GALNT9: variants seen among roughly 807,000 people sequenced by gnomAD.
GALNT9 encodes the protein GalNAc transferase 9.
In GALNT9, 47 loss-of-function variants were observed where a neutral mutation model predicts 63.1. The observed-to-expected ratio is 0.75, with a 90% CI of 0.59 to 0.95. GALNT9 has a LOEUF of 0.95. Among genes scored for constraint, GALNT9 ranks in the 40% least tolerant of loss-of-function variants. The pLI is 0.00. For missense variants in GALNT9, 829 were observed against 874.8 expected, an observed-to-expected ratio of 0.95 and a Z score of 0.66; for synonymous variants, 396 against 365.7, an observed-to-expected ratio of 1.08 and a Z score of -0.94.
chr12:132,327,171 AAAG>A lies in GALNT9; in HGVS notation c.238+1792_238+1794del, dbSNP rs1242188536. ...CAAGGGAGGACAGCTAGGATGAAGG[AAAG>A]AAGGAGAAACAATTTTAAAAGAAAG... On this transcript the variant is annotated intron_variant, in intron 1 of 10. Coordinates refer to ENST00000328957, the MANE Select transcript of GALNT9 (RefSeq NM_001122636.2). This position sits in a 1 kb window ranked among gnomAD's most constrained non-coding sequence, Gnocchi z 4.3. 1.3e-5 allele frequency among the ~76,000 whole-genome samples: 2 copies of A among 152,040 alleles called. No homozygotes were observed. Among genetic ancestry groups the A allele is most frequent in the Non-Finnish European group, 2.9e-5 (2 of 67,988 alleles).
chr12:132,209,918 T>TA (rs1391420882), intron 6 of GALNT9, among the ~76,000 whole-genome samples: 3 of 152,244 alleles, frequency 2.0e-5, no homozygotes, highest in Non-Finnish European at 4.4e-5. Flanking sequence ...TTCTTCTCTT[T>TA]ACTTCATTTC....
intron 2 of GALNT9, among the ~76,000 whole-genome samples, chr12:132,285,657 G>C (rs572420389): frequency 6.6e-6 from 1 of 152,366 alleles, no homozygotes; most frequent in Non-Finnish European, 1.5e-5. Flanking sequence ...GGCCACAGCA[G>C]GTGGGACCAG....
chr12:132,199,107 G>T, intron 9 of GALNT9, 67 bp downstream of exon 9: 8 of 1,047,644 alleles, frequency 7.6e-6, no homozygotes, highest in South Asian at 5.2e-5. Context: ...CTGCCCCAGG[G>T]TGTAGGGTCC....
In GALNT9 at chr12:132,238,426, A is replaced by C. The variant is rs1878085049; in HGVS notation, c.1077+9484T>G. ...TACGGCTTCCTGTAAGGGGGAGTGG[A>C]GGCCGGGGCAGCAGCCGCAGGGGCG... is the stretch of plus-strand genomic sequence containing the variant. On this transcript the variant is annotated intron_variant, in intron 6 of 10. Coordinates refer to ENST00000328957, the MANE Select transcript of GALNT9 (RefSeq NM_001122636.2). This position sits in a 1 kb window ranked among gnomAD's most constrained non-coding sequence, Gnocchi z 6.5. 6.6e-6 allele frequency among the ~76,000 whole-genome samples: 1 copy of C among 152,118 alleles called. No homozygotes were observed. Among genetic ancestry groups the C allele is most frequent in the Non-Finnish European group, 1.5e-5 (1 of 68,012 alleles).
At chr12:132,272,315 C>A (rs549173217) in intron 2 of GALNT9, among the ~76,000 whole-genome samples, 2 of 152,322 alleles carry the variant, frequency 1.3e-5, no homozygotes, top group African/African-American at 4.8e-5. Context: ...GGCAGGTGCT[C>A]CTTGGCATTC....
In GALNT9 at chr12:132,329,241, C is replaced by A. The variant is rs1422607355; in HGVS notation, c.-38G>T. ...AGCGGGGGCCTCACCCGCGGGGCAT[C>A]CCCAGCATCCCCGCCCGGGCCTGGG... is the stretch of plus-strand genomic sequence containing the variant. On this transcript the variant is annotated 5_prime_UTR_variant, in exon 1 of 11. Transcript: ENST00000328957. 3.9e-6 allele frequency: 6 copies of A among 1,523,572 alleles called. No homozygotes were observed. Among genetic ancestry groups the A allele is most frequent in the Non-Finnish European group, 5.3e-6 (6 of 1,129,676 alleles). The allele number at this position is 1,523,572 out of a possible 1,614,324, so 94.4% of individuals were successfully genotyped here.
intron 1 of GALNT9, among the ~76,000 whole-genome samples, chr12:132,306,228 G>T (rs895471199): frequency 1.1e-4 from 17 of 152,356 alleles, no homozygotes; most frequent in Admixed American, 9.1e-4. Flanking sequence ...GAGGGCGCCG[G>T]CACCTGCCCG....
At chr12:132,263,420 C>T (rs951063377) in intron 2 of GALNT9, among the ~76,000 whole-genome samples, 1 of 152,178 alleles carries the variant, frequency 6.6e-6, no homozygotes, top group Admixed American at 6.5e-5. Context: ...GGAAGTACGT[C>T]CTAGGACGGA....
Position 132,261,036 on chromosome 12 carries a change from G to A in GALNT9, c.673C>T (p.Leu225=). The A allele has an allele frequency of 6.4e-7, 1 of 1,551,346 alleles. No individual in the cohort carries two copies. The change falls in exon 4 of 11, where the codon CTG becomes TTG. Residue 225 remains leucine, a synonymous_variant. Transcript: ENST00000328957. ...KIVRNSRREG[L]IRARLQGWKA... is the part of the protein sequence containing the mutation. ...CAGCCCTGCAGCCGCGCGCGGATCA[G>A]TCCTTCCCGCCGGCTGTTGCGGACA...
intron 4 of GALNT9, among the ~76,000 whole-genome samples, chr12:132,259,916 T>G (rs1555239536): frequency 6.6e-6 from 1 of 151,554 alleles, no homozygotes; most frequent in African/African-American, 2.4e-5. Context: ...GTCTTCCTTG[T>G]GGTTGGGTGG....
In GALNT9 at chr12:132,246,013, G is replaced by A. The variant is rs573377552; in HGVS notation, c.1077+1897C>T. 3.3e-5 allele frequency among the ~76,000 whole-genome samples: 5 copies of A among 152,302 alleles called. No individual in the cohort carries two copies. Among genetic ancestry groups the A allele is most frequent in the South Asian group, 2.1e-4 (1 of 4,824 alleles). On this transcript the variant is annotated intron_variant, in intron 6 of 10. Transcript: ENST00000328957. This position sits in a 1 kb window ranked among gnomAD's most constrained non-coding sequence, Gnocchi z 4.7. ...GCTGTCCTCCTCGTCTCTGCGGTGCGTTCCATCCCTCTGAGGGCCTCGGCT... is the reference window on the plus strand; with the variant it reads ...GCTGTCCTCCTCGTCTCTGCGGTGCATTCCATCCCTCTGAGGGCCTCGGCT...
At chr12:132,228,051 C>T (rs1477701078) in intron 6 of GALNT9, among the ~76,000 whole-genome samples, 4 of 152,068 alleles carry the variant, frequency 2.6e-5, no homozygotes, top group Non-Finnish European at 5.9e-5. Flanking sequence ...TGGGGAGTGG[C>T]GGTGCCAGAC....
rs782589651 is a variant in GALNT9, at chr12:132,262,582, C to A, written c.463G>T (p.Val155Leu). Residue 155 changes from valine to leucine, a missense_variant, in exon 3 of 11, where the codon GTG becomes TTG. Coordinates refer to ENST00000328957, the MANE Select transcript of GALNT9 (RefSeq NM_001122636.2). ...SYAQDLPQVS[V>L]VFIFVNEALS... The stretch of plus-strand genomic sequence containing the variant: ...GCCTCATTGACGAAGATGAAGACCA[C>A]GGAGACCTGGGGCAGGTCCTGGGCG... 2 of 1,551,240 alleles carry A rather than the reference C, an allele frequency of 1.3e-6. No homozygotes were observed. Among genetic ancestry groups the A allele is most frequent in the African/African-American group, 2.7e-5 (2 of 73,062 alleles).
chr12:132,249,791 G>C (rs1878839147), intron 5 of GALNT9, among the ~76,000 whole-genome samples: 1 of 152,226 alleles, frequency 6.6e-6, no homozygotes, highest in South Asian at 2.1e-4. Context: ...CCGGAGAGAT[G>C]CCTGCTGTGA....
chr12:132,322,815 C>T (rs1252491733), intron 1 of GALNT9, among the ~76,000 whole-genome samples: 3 of 152,220 alleles, frequency 2.0e-5, no homozygotes, highest in Admixed American at 1.3e-4. Flanking sequence ...ACCTTTTAAA[C>T]GACTGGAAAA....
intron 1 of GALNT9, among the ~76,000 whole-genome samples, chr12:132,298,986 C>T (rs931830955): frequency 1.3e-5 from 2 of 148,948 alleles, no homozygotes; most frequent in Non-Finnish European, 1.5e-5. Flanking sequence ...CTAACCCACT[C>T]GGACCACACC....
intron 6 of GALNT9, among the ~76,000 whole-genome samples, chr12:132,239,585 CAG>C (rs1359954733): frequency 6.8e-6 from 1 of 146,750 alleles, no homozygotes; most frequent in African/African-American, 2.5e-5. Context: ...GACAGAGACA[CAG>C]AGAGACAGAG....
intron 4 of GALNT9, 43 bp from the exon 5 acceptor site, chr12:132,257,929 G>A (rs782481284): frequency 7.4e-6 from 10 of 1,356,368 alleles, no homozygotes; most frequent in East Asian, 2.5e-5. Flanking sequence ...CCAGCCCACC[G>A]CATTCCCTGA....
At chr12:132,214,373 G>A (rs1877096140) in intron 6 of GALNT9, among the ~76,000 whole-genome samples, 1 of 152,170 alleles carries the variant, frequency 6.6e-6, no homozygotes, top group Non-Finnish European at 1.5e-5. Context: ...TTTGACATCT[G>A]GAACCTCACT....
Sources: gnomAD v4.1 joint callset for allele counts (sites outside exome capture counted in the v4.1 genomes callset) on GRCh38, gnomAD v4.1.1 for gene constraint, Gnocchi (gnomAD v3.1) non-coding constraint, MANE v1.5 for transcripts, NCBI Gene and HGNC (gene_info 2026-07-23, HGNC 2026-07-21) for gene names.